The following NTN1 variants were observed in gnomAD, a reference collection of about 807,000 sequenced individuals.
The protein encoded by NTN1 is netrin-1.
In NTN1, 11 loss-of-function variants were observed where a neutral mutation model predicts 54.2. The observed-to-expected ratio is 0.20, with a 90% CI of 0.13 to 0.34. NTN1 has a LOEUF of 0.34. Among genes scored for constraint, NTN1 ranks in the 10% least tolerant of loss-of-function variants. NTN1 has a pLI of 1.00. For synonymous variants in NTN1, 371 were observed against 382.0 expected (o/e 0.97, Z 0.33); for missense variants, 740 against 893.1 (o/e 0.83, Z 2.18).
chr17:9,127,076 G>GC (rs981472648), intron 2 of NTN1, among the ~76,000 whole-genome samples: 8 of 146,332 alleles, frequency 5.5e-5, no homozygotes, highest in Admixed American at 2.7e-4. Flanking sequence ...AGGGCCGGGG[G>GC]GGGGCAGGAC....
upstream of NTN1, among the ~76,000 whole-genome samples, chr17:9,016,748 C>A (rs988086166): frequency 6.6e-6 from 1 of 152,182 alleles, no homozygotes; most frequent in African/African-American, 2.4e-5. Context: ...ACCCACTCCC[C>A]TTTCCTTCTG....
chr17:9,127,974 G>A (rs2092252845), intron 2 of NTN1, among the ~76,000 whole-genome samples: 2 of 151,852 alleles, frequency 1.3e-5, no homozygotes, highest in Non-Finnish European at 2.9e-5. Flanking sequence ...AAAATTAGCT[G>A]GGCATGGTGG....
intron 2 of NTN1, among the ~76,000 whole-genome samples, chr17:9,157,976 G>A (rs1253590282): frequency 1.3e-5 from 2 of 152,230 alleles, no homozygotes; most frequent in Non-Finnish European, 2.9e-5. Flanking sequence ...GGGACAGGCC[G>A]GGAGTTGGGT....
intron 5 of NTN1, among the ~76,000 whole-genome samples, chr17:9,185,126 C>T (rs1022688180): frequency 6.6e-6 from 1 of 152,202 alleles, no homozygotes; most frequent in Non-Finnish European, 1.5e-5. Flanking sequence ...ACCAGACCTG[C>T]GCTGCCCTAC....
At chr17:9,015,099 A>G in the NTN1 span, among the ~76,000 whole-genome samples, 7 of 152,224 alleles carry the variant, frequency 4.6e-5, no homozygotes, top group South Asian at 2.1e-4. Context: ...TAAATGTTAC[A>G]CATAATGCTT....
chr17:9,226,345 C>T (rs1398554689), intron 6 of NTN1, among the ~76,000 whole-genome samples: 1 of 152,052 alleles, frequency 6.6e-6, no homozygotes, highest in African/African-American at 2.4e-5. Flanking sequence ...CACATGATAT[C>T]CTTCTAAGTG....
At chr17:9,222,188 C>A (rs1266655770) in intron 6 of NTN1, among the ~76,000 whole-genome samples, 8 of 152,214 alleles carry the variant, frequency 5.3e-5, no homozygotes, top group Non-Finnish European at 1.2e-4. Context: ...GGGGCTGGCC[C>A]CCCAATTCTG....
chr17:9,161,892 T>C (rs1005754645), intron 2 of NTN1, among the ~76,000 whole-genome samples: 7 of 147,734 alleles, frequency 4.7e-5, no homozygotes, highest in African/African-American at 1.7e-4. Flanking sequence ...AAGGAGTGAA[T>C]GATGTCGGGC....
chr17:9,180,239 G>A (rs9906631), intron 4 of NTN1, among the ~76,000 whole-genome samples: 54,234 of 152,182 alleles, frequency 0.36, 10,100 homozygotes, highest in Middle Eastern at 0.49. Flanking sequence ...GGATTTCGCT[G>A]TGTTGGCCAG....
chr17:9,044,186 C>G (rs1195263281), intron 2 of NTN1, among the ~76,000 whole-genome samples: 1 of 151,110 alleles, frequency 6.6e-6, no homozygotes, highest in Non-Finnish European at 1.5e-5. Flanking sequence ...AGGTTATATC[C>G]TTTAAAATAT....
chr17:9,229,091 ACTGAGACTGTGACTGTGAGT>A (rs1905715525), intron 6 of NTN1, among the ~76,000 whole-genome samples: 2 of 146,900 alleles, frequency 1.4e-5, no homozygotes, highest in Non-Finnish European at 3.1e-5. Context: ...TGTGTGTGTG[ACTGAGACTGTGACTGTGAGT>A]GTGTGACTGT....
intron 3 of NTN1, among the ~76,000 whole-genome samples, chr17:9,170,461 C>G (rs1471705271): frequency 1.3e-5 from 2 of 152,194 alleles, no homozygotes; most frequent in Non-Finnish European, 2.9e-5. Flanking sequence ...GCCCCTCTTG[C>G]TTGAAGGGCT....
chr17:9,030,489 G>A (rs1325307824), intron 2 of NTN1, among the ~76,000 whole-genome samples: 3 of 152,244 alleles, frequency 2.0e-5, no homozygotes, highest in African/African-American at 4.8e-5. Context: ...GCTCACGCCT[G>A]TAATCCCAGC....
chr17:9,181,833 G>A (rs1030330203), intron 4 of NTN1, among the ~76,000 whole-genome samples: 5 of 152,178 alleles, frequency 3.3e-5, no homozygotes, highest in African/African-American at 9.6e-5. Flanking sequence ...CCATGGTTTG[G>A]CCTTGTTCAG....
chr17:9,184,934 AGTT>A (rs1258176084), intron 5 of NTN1, among the ~76,000 whole-genome samples: 2 of 152,214 alleles, frequency 1.3e-5, no homozygotes, highest in Non-Finnish European at 2.9e-5. Context: ...GTCTTCTTTG[AGTT>A]GTTTAACTTT....
At chr17:9,163,127 C>G in intron 3 of NTN1, 126 bp downstream of exon 3, 2 of 764,810 alleles carry the variant, frequency 2.6e-6, no homozygotes, top group Admixed American at 5.7e-5. Context: ...GAGGTCATCT[C>G]TCTCTCTTTC....
At chr17:9,145,673 T>C (rs551741694) in intron 2 of NTN1, among the ~76,000 whole-genome samples, 9 of 152,214 alleles carry the variant, frequency 5.9e-5, no homozygotes, top group East Asian at 5.8e-4. Context: ...TCCCAGCACT[T>C]TGGGAGGCCG....
chr17:9,187,034 C>A (rs1484631907), intron 5 of NTN1, among the ~76,000 whole-genome samples: 1 of 152,096 alleles, frequency 6.6e-6, no homozygotes. Flanking sequence ...AACCCTGCCA[C>A]TAGGGCTGTT....
intron 2 of NTN1, among the ~76,000 whole-genome samples, chr17:9,127,835 G>C (rs1039083040): frequency 2.0e-5 from 3 of 152,138 alleles, no homozygotes; most frequent in African/African-American, 7.2e-5. Flanking sequence ...ATTCTAGGTT[G>C]GTCGGGCACA....
Sources: gnomAD v4.1 joint callset for allele counts (sites outside exome capture counted in the v4.1 genomes callset) on GRCh38, gnomAD v4.1.1 for gene constraint, MANE v1.5 for transcripts, NCBI Gene and HGNC (gene_info 2026-07-23, HGNC 2026-07-21) for gene names.